The following MAF variants were observed in gnomAD, a reference collection of about 807,000 sequenced individuals.
MAF encodes the protein MAF bZIP transcription factor, also known as transcription factor Maf.
A neutral mutation model predicts 22.0 loss-of-function variants in MAF; 10 were observed. The observed-to-expected ratio is 0.45, with a 90% confidence interval of 0.28 to 0.77. MAF has a LOEUF of 0.77. MAF is among the 30% of genes least tolerant of loss of function. The probability of loss-of-function intolerance (pLI) is 0.12; values close to 1 mark genes in which losing one functional copy is unlikely to be tolerated. For missense variants in MAF, 544 were observed against 548.4 expected (o/e 0.99, Z 0.08); for synonymous variants, 337 against 255.8 (o/e 1.32, Z -3.03).
the MAF span, chr16:79,211,666 G>A: frequency 6.2e-7 from 1 of 1,614,208 alleles, no homozygotes; most frequent in Non-Finnish European, 8.5e-7. Flanking sequence ...GAGGGTCTGG[G>A]AGGGATGTAC....
the MAF span, among the ~76,000 whole-genome samples, chr16:79,316,065 C>A: frequency 6.6e-6 from 1 of 152,188 alleles, no homozygotes; most frequent in Non-Finnish European, 1.5e-5. Context: ...GAGTTGTCAC[C>A]AACATGCATA....
the MAF span, among the ~76,000 whole-genome samples, chr16:79,341,569 C>G: frequency 2.0e-5 from 3 of 152,176 alleles, no homozygotes; most frequent in Non-Finnish European, 4.4e-5. Flanking sequence ...CTTCCCCACC[C>G]CTGGAGTGAC....
chr16:79,314,216 T>C, the MAF span, among the ~76,000 whole-genome samples: 1 of 152,128 alleles, frequency 6.6e-6, no homozygotes, highest in Non-Finnish European at 1.5e-5. Flanking sequence ...ATATGGAGAT[T>C]TATGACCAAA....
intron 1 of MAF, 151 bp from the exon 2 acceptor site, chr16:79,594,704 C>T (rs1913408621): frequency 2.1e-6 from 3 of 1,412,986 alleles, no homozygotes; most frequent in Non-Finnish European, 2.8e-6. Flanking sequence ...TTTAGGAGTT[C>T]TTTGTAAGAA....
chr16:79,476,366 A>C, the MAF span, among the ~76,000 whole-genome samples: 1 of 152,240 alleles, frequency 6.6e-6, no homozygotes, highest in African/African-American at 2.4e-5. Context: ...TTAGCTGCTG[A>C]ATTGATGGTG....
At chr16:79,295,378 G>A in the MAF span, among the ~76,000 whole-genome samples, 1 of 152,216 alleles carries the variant, frequency 6.6e-6, no homozygotes, top group Admixed American at 6.5e-5. Context: ...AAGATTTATG[G>A]AGCGAAAAGG....
At chr16:79,361,679 G>T in the MAF span, among the ~76,000 whole-genome samples, 3 of 151,346 alleles carry the variant, frequency 2.0e-5, no homozygotes, top group African/African-American at 4.9e-5. Flanking sequence ...ACGAAAGATT[G>T]GTTTTTTTTT....
At chr16:79,431,208 C>T in the MAF span, among the ~76,000 whole-genome samples, 1 of 152,130 alleles carries the variant, frequency 6.6e-6, no homozygotes, top group African/African-American at 2.4e-5. Flanking sequence ...ACCTACTCAA[C>T]CATACACAGC....
At chr16:79,551,303 G>C in the MAF span, among the ~76,000 whole-genome samples, 1 of 152,048 alleles carries the variant, frequency 6.6e-6, no homozygotes, top group Admixed American at 6.6e-5. Flanking sequence ...GGCACCCAAG[G>C]CATCATTTCT....
At chr16:79,440,531 G>A in the MAF span, among the ~76,000 whole-genome samples, 1 of 152,096 alleles carries the variant, frequency 6.6e-6, no homozygotes, top group Non-Finnish European at 1.5e-5. Flanking sequence ...TGCCTCCCAG[G>A]TTCAAACGAT....
the MAF span, among the ~76,000 whole-genome samples, chr16:79,457,861 G>A: frequency 6.6e-6 from 1 of 152,066 alleles, no homozygotes; most frequent in Non-Finnish European, 1.5e-5. Context: ...ATTATCCACA[G>A]CTGCCTCCCA....
the MAF span, chr16:79,212,386 G>A: frequency 2.1e-6 from 1 of 479,422 alleles, no homozygotes; most frequent in Non-Finnish European, 3.6e-6. Flanking sequence ...GAACTACCAG[G>A]TGGCAAAGTA....
intron 1 of MAF, among the ~76,000 whole-genome samples, chr16:79,588,757 G>A (rs375460575): frequency 2.0e-5 from 3 of 152,004 alleles, no homozygotes; most frequent in Admixed American, 1.3e-4. Context: ...CCACCACACC[G>A]GGCCAGATTT....
At chr16:79,596,332 C>T (rs1428904193) in intron 1 of MAF, 1 of 1,059,650 alleles carries the variant, frequency 9.4e-7, no homozygotes. Flanking sequence ...AGCCTCCTCA[C>T]TTCAAAAAAC....
chr16:79,317,241 TCTC>T, the MAF span, among the ~76,000 whole-genome samples: 11 of 140,440 alleles, frequency 7.8e-5, no homozygotes, highest in South Asian at 2.5e-4. Flanking sequence ...CCCTCCTTTC[TCTC>T]CTTCCTTCCT....
intron 1 of MAF, among the ~76,000 whole-genome samples, chr16:79,587,667 C>T (rs537433693): frequency 2.0e-5 from 3 of 152,234 alleles, no homozygotes; most frequent in Middle Eastern, 6.8e-3. Flanking sequence ...CCCCCTTTGC[C>T]TTCCTGACCA....
the MAF span, among the ~76,000 whole-genome samples, chr16:79,356,117 A>G: frequency 6.6e-6 from 1 of 152,024 alleles, no homozygotes; most frequent in African/African-American, 2.4e-5. Flanking sequence ...AAGCACGTAC[A>G]CACTCAATGC....
chr16:79,368,762 C>G, the MAF span, among the ~76,000 whole-genome samples: 1 of 152,108 alleles, frequency 6.6e-6, no homozygotes, highest in Non-Finnish European at 1.5e-5. Context: ...AAATGCTCTT[C>G]CCTCTGATAT....
At chr16:79,428,811 T>C in the MAF span, among the ~76,000 whole-genome samples, 1 of 151,206 alleles carries the variant, frequency 6.6e-6, no homozygotes, top group East Asian at 2.0e-4. Flanking sequence ...TACCACTGCA[T>C]GTCAGGCCAG....
Sources: allele counts gnomAD v4.1 joint callset (sites outside exome capture counted in the v4.1 genomes callset), GRCh38; gene constraint gnomAD v4.1.1; transcripts MANE v1.5; gene names NCBI Gene and HGNC (gene_info 2026-07-23, HGNC 2026-07-21).